The following SUPT3H variants were observed in gnomAD, a reference collection of about 807,000 sequenced individuals.
SUPT3H encodes SPT3 homolog, SAGA and STAGA complex component, also known as transcription initiation protein SPT3 homolog.
In SUPT3H, 44 loss-of-function variants were observed where a neutral mutation model predicts 44.3. The ratio of observed to expected loss-of-function variants is 0.99; its 90% CI spans 0.78 to 1.28. SUPT3H has a LOEUF of 1.28. Ranked by LOEUF, SUPT3H falls within the 50% of genes most tolerant of loss-of-function variation. The pLI is 0.00. For missense variants in SUPT3H, 380 were observed against 387.1 expected, an observed-to-expected ratio of 0.98 and a Z score of 0.15; for synonymous variants, 124 against 125.6, an observed-to-expected ratio of 0.99 and a Z score of 0.09.
chr6:44,881,992 C>G (rs1316600858), intron 10 of SUPT3H, among the ~76,000 whole-genome samples: 1 of 151,984 alleles, frequency 6.6e-6, no homozygotes, highest in South Asian at 2.1e-4. Context: ...GAAGCAAGAG[C>G]AAACACATTC....
At chr6:45,129,338 T>G (rs911803324) in intron 2 of SUPT3H, among the ~76,000 whole-genome samples, 1 of 152,208 alleles carries the variant, frequency 6.6e-6, no homozygotes, top group Non-Finnish European at 1.5e-5. Flanking sequence ...AAGTTTTCAT[T>G]TGGCAGTCTG....
intron 10 of SUPT3H, among the ~76,000 whole-genome samples, chr6:44,898,557 C>A (rs1386722255): frequency 6.6e-6 from 1 of 152,222 alleles, no homozygotes; most frequent in Non-Finnish European, 1.5e-5. Flanking sequence ...AATTCCTGCC[C>A]ACAGAAATCA....
intron 2 of SUPT3H, among the ~76,000 whole-genome samples, chr6:45,350,069 T>A (rs1791701699): frequency 6.6e-6 from 1 of 152,212 alleles, no homozygotes; most frequent in Admixed American, 6.5e-5. Flanking sequence ...AAAGTTTTTA[T>A]ACACAAAACT....
intron 3 of SUPT3H, among the ~76,000 whole-genome samples, chr6:45,046,454 C>G (rs886762549): frequency 7.2e-5 from 11 of 152,130 alleles, no homozygotes; most frequent in Non-Finnish European, 1.0e-4. Flanking sequence ...CCTCAGCCTT[C>G]CAAGCAGCTG....
At position 44,857,413 on chromosome 6, in the gene SUPT3H, G is replaced by A. The variant is rs560448709; in HGVS notation, c.913-27556C>T. ...TGGGAGAGATCTGACTGCTACAATC[G>A]TTTGCTTTAACTGGTTTACTTTGCT... On this transcript the variant is annotated intron_variant, in intron 10 of 10. Transcript: ENST00000371459. Among the ~76,000 whole-genome samples, 34 of 152,126 alleles carry A rather than the reference G, an allele frequency of 2.2e-4. No individual in the cohort carries two copies. In the South Asian group the frequency reaches 5.6e-3, roughly 25 times the overall value.
chr6:45,073,628 T>A (rs921484670), intron 3 of SUPT3H, among the ~76,000 whole-genome samples: 4 of 152,020 alleles, frequency 2.6e-5, no homozygotes, highest in African/African-American at 9.7e-5. Flanking sequence ...TATGCTACTA[T>A]ATCTAATACC....
intron 9 of SUPT3H, among the ~76,000 whole-genome samples, chr6:44,937,900 CTTTTTTTTTT>C (rs746279156): frequency 1.3e-3 from 78 of 59,116 alleles, no homozygotes; most frequent in African/African-American, 5.7e-3. Flanking sequence ...TGCTCACTAT[CTTTTTTTTTT>C]TTTTTTTTTT....
intron 2 of SUPT3H, among the ~76,000 whole-genome samples, chr6:45,347,641 G>A (rs955885158): frequency 6.6e-6 from 1 of 151,872 alleles, no homozygotes; most frequent in Non-Finnish European, 1.5e-5. Context: ...ATATGCACAT[G>A]ACAGAGAAAA....
intron 5 of SUPT3H, among the ~76,000 whole-genome samples, 173 bp downstream of exon 5, chr6:45,014,628 C>G (rs574753810): frequency 6.6e-6 from 1 of 152,030 alleles, no homozygotes; most frequent in African/African-American, 2.4e-5. Context: ...ATAGGTAACA[C>G]GGTATAATAT....
intron 2 of SUPT3H, among the ~76,000 whole-genome samples, chr6:45,288,764 A>G (rs1779817630): frequency 6.6e-6 from 1 of 151,832 alleles, no homozygotes; most frequent in Non-Finnish European, 1.5e-5. Context: ...AAGACAAACC[A>G]TTACCATTAT....
In SUPT3H at chr6:44,928,065, G is replaced by A. The variant is rs573718895; in HGVS notation, c.912+4588C>T. ...AGTATAATCTAATATCCTCACTTTA[G>A]GGATGAGGAAACAGCCATAAAGCGG... On this transcript the variant is annotated intron_variant, in intron 10 of 10. Coordinates refer to ENST00000371459, the MANE Select transcript of SUPT3H (RefSeq NM_003599.4). 2.6e-5 allele frequency among the ~76,000 whole-genome samples: 4 copies of A among 152,184 alleles called. No homozygotes were observed. The East Asian group carries it at 7.7e-4, about 29-fold the overall frequency.
At chr6:45,124,961 GGAA>G (rs1280090615) in intron 2 of SUPT3H, among the ~76,000 whole-genome samples, 1 of 152,086 alleles carries the variant, frequency 6.6e-6, no homozygotes, top group Non-Finnish European at 1.5e-5. Flanking sequence ...TGAAGACGGA[GGAA>G]GAAGACAGTA....
intron 10 of SUPT3H, among the ~76,000 whole-genome samples, chr6:44,866,496 T>C (rs534871972): frequency 1.4e-5 from 2 of 146,278 alleles, no homozygotes; most frequent in East Asian, 4.1e-4. Flanking sequence ...TTAGGTAATA[T>C]ATATATATTG....
intron 2 of SUPT3H, among the ~76,000 whole-genome samples, chr6:45,356,067 C>T (rs75689847): frequency 6.6e-5 from 10 of 152,192 alleles, no homozygotes; most frequent in African/African-American, 9.6e-5. Context: ...AAGAAGAAAG[C>T]AGTCAAAGAT....
chr6:44,992,932 G>A (rs1261760616), intron 6 of SUPT3H, among the ~76,000 whole-genome samples: 4 of 152,158 alleles, frequency 2.6e-5, no homozygotes. Context: ...GGGAGGCTAA[G>A]ATGGGAGGAT....
intron 10 of SUPT3H, among the ~76,000 whole-genome samples, chr6:44,883,842 C>A (rs1778672586): frequency 6.6e-6 from 1 of 152,148 alleles, no homozygotes; most frequent in African/African-American, 2.4e-5. Flanking sequence ...AACTGGACCC[C>A]TTCCTTACAC....
At chr6:44,937,900 C>G (rs1771733111) in intron 9 of SUPT3H, among the ~76,000 whole-genome samples, 1 of 59,060 alleles carries the variant, frequency 1.7e-5, no homozygotes, top group East Asian at 5.3e-4. Flanking sequence ...TGCTCACTAT[C>G]TTTTTTTTTT....
chr6:45,265,989 AG>A (rs1775194215), intron 2 of SUPT3H, among the ~76,000 whole-genome samples: 1 of 150,356 alleles, frequency 6.7e-6, no homozygotes, highest in African/African-American at 2.5e-5. Context: ...GTTCAGAAAC[AG>A]TTGCCTCACA....
At chr6:45,252,169 G>A (rs1460694187) in intron 2 of SUPT3H, among the ~76,000 whole-genome samples, 1 of 152,052 alleles carries the variant, frequency 6.6e-6, no homozygotes, top group African/African-American at 2.4e-5. Context: ...ATCTCATTTA[G>A]CTCTCATCAA....
Sources: allele counts gnomAD v4.1 joint callset (sites outside exome capture counted in the v4.1 genomes callset), GRCh38; gene constraint gnomAD v4.1.1; transcripts MANE v1.5; gene names NCBI Gene and HGNC (gene_info 2026-07-23, HGNC 2026-07-21).